The following GAS2L3 variants were observed in gnomAD, a reference collection of about 807,000 sequenced individuals.
GAS2L3 encodes the protein growth arrest specific 2 like 3, also known as GAS2-like protein 3.
Under a neutral mutation model 37.0 loss-of-function variants are expected in GAS2L3, and 28 were observed. The ratio of observed to expected loss-of-function variants is 0.76; its 90% CI spans 0.56 to 1.04. The LOEUF (loss-of-function observed/expected upper bound fraction) is 1.04. GAS2L3 is among the 50% of genes least tolerant of loss of function. GAS2L3 has a pLI of 0.00. For synonymous variants in GAS2L3, 290 were observed against 296.6 expected (o/e 0.98, Z 0.23); for missense variants, 793 against 817.6 (o/e 0.97, Z 0.37).
chr12:100,604,474 G>GTTTTT (rs56690394), intron 5 of GAS2L3, among the ~76,000 whole-genome samples: 54 of 129,280 alleles, frequency 4.2e-4, no homozygotes, highest in East Asian at 1.4e-3. Flanking sequence ...AGCTGTAGTT[G>GTTTTT]TTTTTTTTTT....
chr12:100,592,425 T>C (rs1209350959), intron 2 of GAS2L3: 2 of 152,152 alleles, frequency 1.3e-5, no homozygotes, highest in Non-Finnish European at 2.9e-5. Context: ...TCATACCGTA[T>C]AACGTGAGAA....
intron 1 of GAS2L3, chr12:100,579,732 A>T: frequency 2.7e-6 from 2 of 746,626 alleles, no homozygotes; most frequent in Non-Finnish European, 4.9e-6. Flanking sequence ...GGTTGTAAGT[A>T]CCAGGGTTGG....
chr12:100,588,210 A>G (rs1955804252), intron 1 of GAS2L3, among the ~76,000 whole-genome samples: 1 of 152,182 alleles, frequency 6.6e-6, no homozygotes, highest in South Asian at 2.1e-4. Flanking sequence ...ACCCACCCCC[A>G]ATATTTCAGT....
rs1408446578 is a variant in GAS2L3 at position 100,617,770 on chromosome 12, T to C, written c.472T>C (p.Tyr158His). Residue 158 changes from tyrosine to histidine, a missense_variant, in exon 7 of 10, where the codon TAT becomes CAT. Tyr to His is a moderately conservative substitution (Grantham distance 83). Coordinates refer to ENST00000547754, the MANE Select transcript of GAS2L3 (RefSeq NM_174942.3). ...TTTGCACAAAGATCCAAGACAGGTG[T>C]ATCTTTGTCTTCTTGAAATTGGTCG... ...LVLHKDPRQV[Y>H]LCLLEIGRIV... 1 of 1,607,800 alleles carries C rather than the reference T, an allele frequency of 6.2e-7. No individual in the cohort carries two copies. The highest frequency in any genetic ancestry group is 8.5e-7 in the Non-Finnish European group (1 of 1,174,924).
rs779000696 is a variant in GAS2L3 at position 100,624,514 on chromosome 12, C to G, written c.1709C>G (p.Ser570Cys). The G allele has an allele frequency of 1.5e-5, 24 of 1,613,968 alleles. No homozygotes were observed. Among genetic ancestry groups the G allele is most frequent in the Non-Finnish European group, 1.8e-5 (21 of 1,180,040 alleles). ...CAGCCAGTTTCTGTGTCCTCAGTTT[C>G]TCCTGTAAAAGCCACACAGAAATCA... The part of the protein sequence containing the change: ...LNQPVSVSSV[S>C]PVKATQKSKD... Residue 570 changes from serine to cysteine, a missense_variant, in exon 10 of 10, where the codon TCT (serine) becomes TGT (cysteine). Coordinates refer to ENST00000547754, the MANE Select transcript of GAS2L3 (RefSeq NM_174942.3).
chr12:100,616,767 A>G (rs73381953), intron 6 of GAS2L3, among the ~76,000 whole-genome samples: 1 of 152,116 alleles, frequency 6.6e-6, no homozygotes, highest in Non-Finnish European at 1.5e-5. Context: ...CTGTTAATAG[A>G]GGTAGTTTTC....
intron 6 of GAS2L3, among the ~76,000 whole-genome samples, chr12:100,613,692 T>TC (rs1284875889): frequency 1.3e-5 from 2 of 152,062 alleles, no homozygotes; most frequent in Non-Finnish European, 2.9e-5. Flanking sequence ...CCTCCTGGGT[T>TC]CCCGCCATTC....
At chr12:100,585,422 A>ATTTTTTTTTTTT (rs1955767891) in intron 1 of GAS2L3, among the ~76,000 whole-genome samples, 1 of 150,192 alleles carries the variant, frequency 6.7e-6, no homozygotes, top group African/African-American at 2.5e-5. Flanking sequence ...CACCTGGCTA[A>ATTTTTTTTTTTT]TTTTTGTATT....
At chr12:100,614,171 T>A (rs1433292708) in intron 6 of GAS2L3, among the ~76,000 whole-genome samples, 1 of 152,096 alleles carries the variant, frequency 6.6e-6, no homozygotes, top group East Asian at 1.9e-4. Flanking sequence ...CACGTAAAAT[T>A]TACTATCTTA....
At chr12:100,622,893 G>A (rs1346158098) in intron 9 of GAS2L3, among the ~76,000 whole-genome samples, 1 of 149,214 alleles carries the variant, frequency 6.7e-6, no homozygotes, top group Non-Finnish European at 1.5e-5. Context: ...TGATATATAT[G>A]TTCATTTCCT....
chr12:100,591,567 ATC>A (rs1246771515), intron 1 of GAS2L3, among the ~76,000 whole-genome samples, 167 bp from the exon 2 acceptor site: 2 of 152,138 alleles, frequency 1.3e-5, no homozygotes, highest in East Asian at 3.8e-4. Context: ...TTGTTTTCTT[ATC>A]TCTTTAATTG....
chr12:100,618,377 A>G, intron 7 of GAS2L3, 72 bp from the exon 8 acceptor site: 1 of 1,448,176 alleles, frequency 6.9e-7, no homozygotes. Flanking sequence ...CAGAAAGAAA[A>G]TCTATCTTGA....
At chr12:100,603,036 A>G (rs1483341158) in intron 5 of GAS2L3, among the ~76,000 whole-genome samples, 1 of 152,156 alleles carries the variant, frequency 6.6e-6, no homozygotes, top group Admixed American at 6.6e-5. Flanking sequence ...TTCTTTACCT[A>G]GTCATCTACT....
chr12:100,624,481 A>G lies in GAS2L3; in HGVS notation c.1676A>G (p.Asn559Ser). The G allele has an allele frequency of 6.2e-7, 1 of 1,614,118 alleles. No individual in the cohort carries two copies. Among genetic ancestry groups the G allele is most frequent in the South Asian group, 1.1e-5 (1 of 91,080 alleles). The change falls in exon 10 of 10, where the codon AAT (asparagine) becomes AGT (serine). Residue 559 changes from asparagine (N) to serine (S), a missense_variant. Physicochemically the swap from Asn to Ser is conservative, Grantham distance 46. Transcript: ENST00000547754. ...VPAQKLKSAL[N>S]LNQPVSVSSV... ...GCACAGAAACTTAAATCGGCCTTGA[A>G]TTTAAATCAGCCAGTTTCTGTGTCC...
intron 1 of GAS2L3, among the ~76,000 whole-genome samples, chr12:100,576,343 G>A (rs370303059): frequency 6.6e-6 from 1 of 152,136 alleles, no homozygotes. Context: ...TGCTGTTGAT[G>A]ATGAGGAAAG....
intron 5 of GAS2L3, among the ~76,000 whole-genome samples, chr12:100,607,609 GT>G (rs1956073381): frequency 6.6e-6 from 1 of 151,784 alleles, no homozygotes; most frequent in Non-Finnish European, 1.5e-5. Flanking sequence ...GTGCTTCGTT[GT>G]TTTTTATCTT....
chr12:100,621,256 T>G (rs913676603), intron 8 of GAS2L3, among the ~76,000 whole-genome samples: 5 of 152,068 alleles, frequency 3.3e-5, no homozygotes, highest in Non-Finnish European at 5.9e-5. Context: ...TGACCTTCCT[T>G]TTTCAAAAAT....
intron 5 of GAS2L3, among the ~76,000 whole-genome samples, chr12:100,606,002 C>T (rs1440657433): frequency 1.3e-5 from 2 of 151,490 alleles, no homozygotes; most frequent in Non-Finnish European, 3.0e-5. Flanking sequence ...TTTATTTGGT[C>T]CATTTGTTCT....
chr12:100,596,879 G>A (rs1017329600), intron 3 of GAS2L3, among the ~76,000 whole-genome samples: 1 of 152,016 alleles, frequency 6.6e-6, no homozygotes, highest in African/African-American at 2.4e-5. Context: ...AAGTACCTAA[G>A]TTAATCTGTA....
Sources: gnomAD v4.1 joint callset for allele counts (sites outside exome capture counted in the v4.1 genomes callset) on GRCh38, gnomAD v4.1.1 for gene constraint, MANE v1.5 for transcripts, NCBI Gene and HGNC (gene_info 2026-07-23, HGNC 2026-07-21) for gene names.